MS4A1: variants seen among roughly 807,000 people sequenced by gnomAD.
The protein encoded by MS4A1 is membrane spanning 4-domains A1.
Under a neutral mutation model 26.5 loss-of-function variants are expected in MS4A1, and 16 were observed. The observed-to-expected ratio is 0.60, with a 90% CI of 0.41 to 0.92. The LOEUF (loss-of-function observed/expected upper bound fraction) is 0.92, where lower values mean the gene tolerates loss of function less well. Ranked by LOEUF, MS4A1 falls within the 40% of genes least tolerant of loss-of-function variation. The pLI, the probability that MS4A1 is intolerant of heterozygous loss-of-function variation, is 0.00. For synonymous variants in MS4A1, 128 were observed against 117.6 expected (o/e 1.09, Z -0.57); for missense variants, 350 against 353.0 (o/e 0.99, Z 0.07).
Position 60,463,060 on chromosome 11 carries a change from C to T in MS4A1, c.218C>T (p.Pro73Leu). Residue 73 changes from proline to leucine, a missense_variant, in exon 4 of 8, where the codon CCA (proline) becomes CTA (leucine). Physicochemically the swap from Pro to Leu is moderately conservative, Grantham distance 98. Coordinates refer to ENST00000345732, the MANE Select transcript of MS4A1 (RefSeq NM_152866.3). ...GCCCTGGGGGGTCTTCTGATGATCC[C>T]AGCAGGGATCTATGCACCCATCTGT... ...HIALGGLLMIPAGIYAPICVT... is the reference protein window; with the variant it reads ...HIALGGLLMILAGIYAPICVT... The T allele has an allele frequency of 6.2e-7, 1 of 1,614,156 alleles. No homozygotes were observed.
In MS4A1 at chr11:60,462,348, T is replaced by A; in HGVS notation, c.-27T>A. The stretch of plus-strand genomic sequence containing the variant: ...TTGCTCTCCTCATTTTGTTATTTGT[T>A]TTATTTTTAGGAGTTTTGAGAGCAA... On this transcript the variant is annotated 5_prime_UTR_variant, in exon 3 of 8. Transcript: ENST00000345732. The A allele has an allele frequency of 6.2e-7, 1 of 1,613,824 alleles. No individual in the cohort carries two copies. The highest frequency in any genetic ancestry group is 8.5e-7 in the Non-Finnish European group (1 of 1,179,714).
intron 6 of MS4A1, among the ~76,000 whole-genome samples, 165 bp downstream of exon 6, chr11:60,466,322 C>T (rs969903096): frequency 1.3e-5 from 2 of 152,176 alleles, no homozygotes; most frequent in African/African-American, 4.8e-5. Flanking sequence ...ATTTCTTCAA[C>T]TGTAAAATGG....
At chr11:60,460,760 C>T (rs1276630862) in intron 1 of MS4A1, among the ~76,000 whole-genome samples, 1 of 149,058 alleles carries the variant, frequency 6.7e-6, no homozygotes, top group Non-Finnish European at 1.5e-5. Context: ...AATGTCTGAG[C>T]TGGAAAGGGC....
chr11:60,461,275 TGAC>T (rs1429512032), intron 2 of MS4A1, 115 bp downstream of exon 2: 1 of 151,702 alleles, frequency 6.6e-6, no homozygotes, highest in African/African-American at 2.4e-5. Flanking sequence ...CTCTAGGAGC[TGAC>T]ATTTGAGCTA....
intron 2 of MS4A1, 100 bp downstream of exon 2, chr11:60,461,260 G>A (rs538386235): frequency 6.6e-6 from 1 of 151,768 alleles, no homozygotes; most frequent in African/African-American, 2.4e-5. Context: ...GTTCAAGGTA[G>A]GCTCCTCTAG....
At position 60,460,013 on chromosome 11, in the gene MS4A1, A is replaced by T. The variant is rs1165002852; in HGVS notation, c.-279-1059A>T. Among the ~76,000 whole-genome samples, 3 of 152,100 alleles carry T rather than the reference A, an allele frequency of 2.0e-5. No individual in the cohort carries two copies. In the East Asian group the frequency reaches 5.8e-4, roughly 29 times the overall value. ...GTTATCCTAGCACTTTGGGAGGTGG[A>T]GGGGGGCAGATTGCTTGAGTCCAGG... On this transcript the variant is annotated intron_variant, in intron 1 of 7. Coordinates refer to ENST00000345732, the MANE Select transcript of MS4A1 (RefSeq NM_152866.3).
chr11:60,463,802 A>C (rs1590845538), intron 4 of MS4A1: 3 of 455,894 alleles, frequency 6.6e-6, no homozygotes. Context: ...AGTCATCATC[A>C]CTTCCTGTAA....
intron 7 of MS4A1, among the ~76,000 whole-genome samples, chr11:60,467,398 T>C (rs2086302694): frequency 1.3e-5 from 2 of 149,594 alleles, no homozygotes; most frequent in Admixed American, 6.7e-5. Context: ...TGCCTCACCC[T>C]CCCGAGTAGC....
At chr11:60,464,676 A>C (rs1050227688) in intron 5 of MS4A1, among the ~76,000 whole-genome samples, 1 of 152,192 alleles carries the variant, frequency 6.6e-6, no homozygotes, top group African/African-American at 2.4e-5. Context: ...GATCAATGTC[A>C]TGATTGATTC....
Position 60,469,487 on chromosome 11 carries a change from T to A in MS4A1, c.*1019T>A, listed in dbSNP as rs1330859919. ...CCAAATTGTCTCTCCAATGTCTGCA[T>A]AAACTGTGAGAGCCAAGTCAACAGC... On this transcript the variant is annotated 3_prime_UTR_variant, in exon 8 of 8. Transcript: ENST00000345732. The A allele has an allele frequency of 6.6e-6, 1 of 152,174 alleles. No individual in the cohort carries two copies. Among genetic ancestry groups the A allele is most frequent in the African/African-American group, 2.4e-5 (1 of 41,454 alleles). The allele number at this position is 152,174 out of a possible 1,614,324, so 9.4% of individuals were successfully genotyped here.
Position 60,467,056 on chromosome 11 carries a change from A to G in MS4A1, c.671A>G (p.Lys224Arg), listed in dbSNP as rs766876522. The G allele has an allele frequency of 2.5e-6, 4 of 1,613,660 alleles. No homozygotes were observed. The African/African-American group carries it at 5.3e-5, about 22-fold the overall frequency. The change falls in exon 7 of 8, where the codon AAA becomes AGA. Residue 224 changes from lysine (K) to arginine (R), a missense_variant. Coordinates refer to ENST00000345732, the MANE Select transcript of MS4A1 (RefSeq NM_152866.3). ...TGGAAAAGAACGTGCTCCAGACCCA[A>G]ATCTGTAAGTAGTAGCCCCTCTGGC... Reference protein sequence around the residue: ...NEWKRTCSRPKSNIVLLSAEE... With the variant: ...NEWKRTCSRPRSNIVLLSAEE...
intron 1 of MS4A1, among the ~76,000 whole-genome samples, chr11:60,456,645 A>T (rs2086206074): frequency 6.6e-6 from 1 of 152,186 alleles, no homozygotes; most frequent in African/African-American, 2.4e-5. Context: ...ACAAGGATTA[A>T]TTTTAATCAT....
intron 3 of MS4A1, 56 bp from the exon 4 acceptor site, chr11:60,462,946 G>C: frequency 3.7e-6 from 6 of 1,608,432 alleles, no homozygotes; most frequent in Non-Finnish European, 5.1e-6. Flanking sequence ...CCTTGTCTTT[G>C]CCTGCTAGCA....
chr11:60,464,602 A>G (rs928185399), intron 5 of MS4A1, among the ~76,000 whole-genome samples: 1 of 152,218 alleles, frequency 6.6e-6, no homozygotes, highest in Non-Finnish European at 1.5e-5. Flanking sequence ...ATGCTGTGTG[A>G]AAATAATAGA....
intron 4 of MS4A1, chr11:60,463,773 G>A (rs2086267960): frequency 2.2e-6 from 1 of 455,362 alleles, no homozygotes; most frequent in Non-Finnish European, 4.4e-6. Context: ...CTGAATGTGA[G>A]AAAAGGAAGA....
At chr11:60,457,516 T>C (rs561661149) in intron 1 of MS4A1, among the ~76,000 whole-genome samples, 2 of 152,218 alleles carry the variant, frequency 1.3e-5, no homozygotes, top group African/African-American at 4.8e-5. Flanking sequence ...CAGGTGACTC[T>C]GGATATAGAA....
chr11:60,462,599 A>G, intron 3 of MS4A1, 66 bp downstream of exon 3: 1 of 1,588,756 alleles, frequency 6.3e-7, no homozygotes, highest in Admixed American at 1.7e-5. Flanking sequence ...GATGCGGTAT[A>G]GGCCACATAC....
At chr11:60,466,676 C>A (rs959703424) in intron 6 of MS4A1, 1 of 436,490 alleles carries the variant, frequency 2.3e-6, no homozygotes, top group African/African-American at 2.0e-5. Context: ...AGACTCATTA[C>A]TTATTCTTTC....
intron 1 of MS4A1, among the ~76,000 whole-genome samples, chr11:60,460,458 C>T (rs1034838886): frequency 3.3e-5 from 5 of 152,184 alleles, no homozygotes; most frequent in African/African-American, 2.4e-5. Flanking sequence ...GCCTGTTTTA[C>T]AGCACACCTG....
Sources: allele counts gnomAD v4.1 joint callset (sites outside exome capture counted in the v4.1 genomes callset), GRCh38; gene constraint gnomAD v4.1.1; transcripts MANE v1.5; gene names NCBI Gene and HGNC (gene_info 2026-07-23, HGNC 2026-07-21).